DOK5: variants seen among roughly 807,000 people sequenced by gnomAD.
The protein encoded by DOK5 is docking protein 5.
Under a neutral mutation model 43.3 loss-of-function variants are expected in DOK5, and 27 were observed. The observed-to-expected ratio is 0.62, with a 90% CI of 0.46 to 0.86. DOK5 has a LOEUF of 0.86. DOK5 is among the 40% of genes least tolerant of loss of function. The probability of loss-of-function intolerance (pLI) is 0.00; values close to 1 mark genes in which losing one functional copy is unlikely to be tolerated. For missense variants in DOK5, 373 were observed against 392.9 expected, an observed-to-expected ratio of 0.95 and a Z score of 0.43; for synonymous variants, 146 against 140.1, an observed-to-expected ratio of 1.04 and a Z score of -0.30.
Position 54,542,682 on chromosome 20 carries a change from A to T in DOK5, c.67-12251A>T, listed in dbSNP as rs528326134. Among the ~76,000 whole-genome samples the T allele has an allele frequency of 5.1e-4, 77 of 152,354 alleles. 2 individuals carry two copies. In the South Asian group the frequency reaches 0.013, roughly 26 times the overall value. ...GAAAAACACATACTACAGGACATAT[A>T]TTTATGAAAGAAGAATGTAAAATGA... On this transcript the variant is annotated intron_variant, in intron 1 of 7. Transcript: ENST00000262593.
At chr20:54,573,896 A>G (rs187373080) in intron 2 of DOK5, among the ~76,000 whole-genome samples, 1 of 152,280 alleles carries the variant, frequency 6.6e-6, no homozygotes, top group East Asian at 1.9e-4. Context: ...CTATGCAAAC[A>G]GAGCCATTTC....
At chr20:54,493,019 C>T (rs928331055) in intron 1 of DOK5, among the ~76,000 whole-genome samples, 20 of 143,262 alleles carry the variant, frequency 1.4e-4, no homozygotes, top group Admixed American at 8.0e-4. Context: ...TGAGCCACTG[C>T]ACTCCAGCCT....
intron 1 of DOK5, among the ~76,000 whole-genome samples, chr20:54,508,240 T>C (rs2146684718): frequency 6.6e-6 from 1 of 152,246 alleles, no homozygotes; most frequent in South Asian, 2.1e-4. Flanking sequence ...CCTATACATG[T>C]GCACTGCTAT....
At chr20:54,650,241 C>T (rs979514) in intron 7 of DOK5, among the ~76,000 whole-genome samples, 174 bp from the exon 8 acceptor site, 152,077 of 152,354 alleles carry the variant, frequency 1, 75,900 homozygotes, top group Middle Eastern at 1. Context: ...GCAAATGATA[C>T]GTAAATCATG....
At chr20:54,478,007 C>T (rs1005956104) in intron 1 of DOK5, among the ~76,000 whole-genome samples, 14 of 152,240 alleles carry the variant, frequency 9.2e-5, no homozygotes, top group Non-Finnish European at 1.5e-4. Context: ...TGTTTTACAG[C>T]ATTTTGGATG....
intron 1 of DOK5, among the ~76,000 whole-genome samples, chr20:54,519,467 T>C (rs922316654): frequency 6.6e-6 from 1 of 152,234 alleles, no homozygotes; most frequent in East Asian, 1.9e-4. Context: ...AAATGGTTTA[T>C]TCTCCTCTAT....
At chr20:54,485,220 C>G (rs926248925) in intron 1 of DOK5, among the ~76,000 whole-genome samples, 1 of 152,032 alleles carries the variant, frequency 6.6e-6, no homozygotes, top group African/African-American at 2.4e-5. Flanking sequence ...GAGGCTGAGG[C>G]AGGAGAATCA....
chr20:54,611,282 C>A lies in DOK5; in HGVS notation c.735+759C>A, dbSNP rs528539086. Reference sequence around the variant, plus strand: ...ACATAAATAATTATGTTCATGAGGCCAGGTGCGGTGGCTCACTCTTGTAAT... The same window carrying A: ...ACATAAATAATTATGTTCATGAGGCAAGGTGCGGTGGCTCACTCTTGTAAT... On this transcript the variant is annotated intron_variant, in intron 6 of 7. Transcript: ENST00000262593. 4.6e-5 allele frequency among the ~76,000 whole-genome samples: 7 copies of A among 152,224 alleles called. No individual in the cohort carries two copies. The South Asian group carries it at 1.2e-3, about 27-fold the overall frequency.
At chr20:54,478,343 C>T (rs71325910) in intron 1 of DOK5, among the ~76,000 whole-genome samples, 95 of 152,206 alleles carry the variant, frequency 6.2e-4, no homozygotes, top group Admixed American at 1.1e-3. Flanking sequence ...GGAATGTTAG[C>T]GGTATTAATC....
chr20:54,492,082 T>C (rs1054994799), intron 1 of DOK5, among the ~76,000 whole-genome samples: 3 of 151,972 alleles, frequency 2.0e-5, no homozygotes, highest in African/African-American at 7.2e-5. Flanking sequence ...TCATATGTCA[T>C]ATATATAAAT....
chr20:54,618,104 A>G (rs1269931246), intron 6 of DOK5, among the ~76,000 whole-genome samples: 2 of 152,208 alleles, frequency 1.3e-5, no homozygotes, highest in East Asian at 3.9e-4. Flanking sequence ...ATGGAAAAGA[A>G]TATTCATGAT....
intron 1 of DOK5, among the ~76,000 whole-genome samples, chr20:54,494,277 C>T (rs547151964): frequency 2.6e-5 from 4 of 152,310 alleles, no homozygotes; most frequent in Non-Finnish European, 4.4e-5. Flanking sequence ...ACACTTTTAC[C>T]GATTTCCTTC....
chr20:54,546,355 A>T (rs1309597033), intron 1 of DOK5, among the ~76,000 whole-genome samples: 2 of 152,228 alleles, frequency 1.3e-5, no homozygotes, highest in African/African-American at 4.8e-5. Context: ...GGAGTAGCAC[A>T]TGAGAACTGA....
At chr20:54,628,561 C>G (rs1441185933) in intron 6 of DOK5, among the ~76,000 whole-genome samples, 1 of 151,384 alleles carries the variant, frequency 6.6e-6, no homozygotes, top group Non-Finnish European at 1.5e-5. Context: ...GAATGACTTA[C>G]TCTTCTCATC....
intron 2 of DOK5, among the ~76,000 whole-genome samples, chr20:54,574,094 C>T (rs930744610): frequency 3.3e-5 from 5 of 152,110 alleles, no homozygotes; most frequent in South Asian, 2.1e-4. Context: ...CCAGGAAAGG[C>T]GAGCCGGACC....
intron 6 of DOK5, among the ~76,000 whole-genome samples, chr20:54,640,834 C>T (rs1376313528): frequency 1.3e-5 from 2 of 152,178 alleles, no homozygotes; most frequent in Non-Finnish European, 2.9e-5. Context: ...TAACCCCTAC[C>T]TCTAAATTGA....
chr20:54,502,256 A>G (rs1317682326), intron 1 of DOK5, among the ~76,000 whole-genome samples: 1 of 152,212 alleles, frequency 6.6e-6, no homozygotes, highest in Non-Finnish European at 1.5e-5. Context: ...CATGTAGACC[A>G]CACATTCATT....
rs6098106 is a variant in DOK5, at chr20:54,607,327, A to G, written c.600-3061A>G. ...GGTCATAGTGAGTTTGAGCACCTTT[A>G]TGCATTCACGTTCTCTGCCTGAACT... On this transcript the variant is annotated intron_variant, in intron 5 of 7. Transcript: ENST00000262593. Among the ~76,000 whole-genome samples the G allele has an allele frequency of 8.3e-3, 1,252 of 151,674 alleles. 19 individuals carry two copies. Among genetic ancestry groups the G allele is most frequent in the African/African-American group, 0.029 (1,197 of 41,292 alleles).
At chr20:54,504,815 C>T (rs1001202039) in intron 1 of DOK5, among the ~76,000 whole-genome samples, 1 of 152,128 alleles carries the variant, frequency 6.6e-6, no homozygotes, top group Non-Finnish European at 1.5e-5. Context: ...GGCTTGTTGG[C>T]TTTTGAGGTG....
Sources: gnomAD v4.1 joint callset for allele counts (sites outside exome capture counted in the v4.1 genomes callset) on GRCh38, gnomAD v4.1.1 for gene constraint, MANE v1.5 for transcripts, NCBI Gene and HGNC (gene_info 2026-07-23, HGNC 2026-07-21) for gene names.